Variants in XXYLT1 observed in about 807,000 individuals in gnomAD.
XXYLT1 encodes xyloside xylosyltransferase 1.
A neutral mutation model predicts 28.9 loss-of-function variants in XXYLT1; 20 were observed. The observed-to-expected ratio is 0.69, with a 90% CI of 0.49 to 1.00. XXYLT1 has a LOEUF of 1.00. XXYLT1 is among the 50% of genes least tolerant of loss of function. XXYLT1 has a pLI of 0.00. For synonymous variants in XXYLT1, 257 were observed against 253.8 expected (o/e 1.01, Z -0.12); for missense variants, 542 against 560.1 (o/e 0.97, Z 0.33).
chr3:195,158,587 T>C (rs565135578), intron 2 of XXYLT1, among the ~76,000 whole-genome samples: 2 of 152,310 alleles, frequency 1.3e-5, no homozygotes, highest in African/African-American at 4.8e-5. Context: ...TTGCTTAAAG[T>C]TGGTAACACT....
chr3:195,138,873 AAAAAGAAAG>A (rs1368903596), intron 3 of XXYLT1, among the ~76,000 whole-genome samples: 2 of 150,856 alleles, frequency 1.3e-5, no homozygotes, highest in Admixed American at 1.3e-4. Flanking sequence ...AAAAAAAAAA[AAAAAGAAAG>A]AAAGAAAGAA....
intron 2 of XXYLT1, among the ~76,000 whole-genome samples, chr3:195,192,826 T>C (rs1299118215): frequency 6.6e-6 from 1 of 152,154 alleles, no homozygotes. Context: ...AGCATCAGAT[T>C]GGAAAGGAAG....
At chr3:195,136,476 G>C (rs1719206986) in intron 3 of XXYLT1, among the ~76,000 whole-genome samples, 1 of 152,144 alleles carries the variant, frequency 6.6e-6, no homozygotes, top group Non-Finnish European at 1.5e-5. Context: ...GGGGCAGAGG[G>C]GACAGGCAGG....
chr3:195,203,507 G>A (rs1336147532), intron 2 of XXYLT1, among the ~76,000 whole-genome samples: 1 of 152,152 alleles, frequency 6.6e-6, no homozygotes, highest in African/African-American at 2.4e-5. Context: ...CAGCAGTGCA[G>A]AGAAGGAACA....
rs142510920 is a variant in XXYLT1 at position 195,069,178 on chromosome 3, G to C, written c.*537C>G. On this transcript the variant is annotated 3_prime_UTR_variant, in exon 4 of 4. Transcript: ENST00000310380. ...TGACGTGAGCATCAGGAGAATGCGC[G>C]TGCAGCAGCCTCCCAGGGTGAGTAT... 6.5e-6 allele frequency: 1 copy of C among 153,826 alleles called. No individual in the cohort carries two copies. Among genetic ancestry groups the C allele is most frequent in the Non-Finnish European group, 1.4e-5 (1 of 69,104 alleles). 9.5% of individuals were successfully genotyped at this position (153,826 alleles called of 1,614,324 possible). A position where few individuals can be genotyped will look rare whatever the true frequency, so the allele number is the denominator to read the frequency against.
chr3:195,144,534 A>G (rs989808689), intron 3 of XXYLT1, among the ~76,000 whole-genome samples: 5 of 151,692 alleles, frequency 3.3e-5, no homozygotes, highest in African/African-American at 4.8e-5. Context: ...GTGCCACCAC[A>G]CTTGGCAAAT....
intron 3 of XXYLT1, among the ~76,000 whole-genome samples, chr3:195,119,468 TG>T (rs1405437908): frequency 6.6e-6 from 1 of 152,044 alleles, no homozygotes; most frequent in African/African-American, 2.4e-5. Context: ...TGCTATGAAA[TG>T]AGTGACTGGG....
Position 195,234,309 on chromosome 3 carries a change from A to ATT in XXYLT1, c.505-7455_505-7454dup, listed in dbSNP as rs35536915. ...TTTATTTCTCCTTCATGTTTGAAGG[A>ATT]TTTTTTTTTTTTTTTTTTTTTTTTT... On this transcript the variant is annotated intron_variant, in intron 1 of 3. Transcript: ENST00000310380. 8.5e-4 allele frequency among the ~76,000 whole-genome samples: 57 copies of ATT among 66,926 alleles called. 1 individual carries two copies. The highest frequency in any genetic ancestry group is 1.1e-3 in the African/African-American group (20 of 17,498). 43.9% of individuals were successfully genotyped at this position (66,926 alleles called of 152,430 possible).
At chr3:195,140,900 A>G (rs946339128) in intron 3 of XXYLT1, among the ~76,000 whole-genome samples, 3 of 152,124 alleles carry the variant, frequency 2.0e-5, no homozygotes, top group African/African-American at 7.2e-5. Flanking sequence ...GTGGGATGGT[A>G]TTCGGGGGAT....
At chr3:195,071,478 A>G (rs1043820206) in intron 3 of XXYLT1, among the ~76,000 whole-genome samples, 5 of 152,186 alleles carry the variant, frequency 3.3e-5, no homozygotes, top group Admixed American at 3.3e-4. Context: ...GAGAGTGCCA[A>G]GAGTCTGATC....
At chr3:195,225,308 C>CAA (rs1284482585) in intron 2 of XXYLT1, among the ~76,000 whole-genome samples, 1 of 152,210 alleles carries the variant, frequency 6.6e-6, no homozygotes, top group African/African-American at 2.4e-5. Context: ...AGAGGACACT[C>CAA]AGAGGCCTCC....
chr3:195,070,264 G>C (rs1034646736), intron 3 of XXYLT1, among the ~76,000 whole-genome samples, 153 bp from the exon 4 acceptor site: 1 of 146,326 alleles, frequency 6.8e-6, no homozygotes, highest in African/African-American at 2.6e-5. Flanking sequence ...GCAGAGCTGG[G>C]ACCTGAACCC....
intron 1 of XXYLT1, among the ~76,000 whole-genome samples, chr3:195,258,663 C>A (rs190643166): frequency 4.2e-4 from 64 of 152,320 alleles, no homozygotes; most frequent in African/African-American, 1.5e-3. Flanking sequence ...AGGGCTAGGG[C>A]CCCTGGGGAA....
intron 2 of XXYLT1, among the ~76,000 whole-genome samples, chr3:195,182,187 G>A (rs753665137): frequency 6.6e-5 from 10 of 152,098 alleles, no homozygotes; most frequent in African/African-American, 1.4e-4. Flanking sequence ...GGATTCTCTC[G>A]CCTTTAAGAT....
rs1205046098 is a variant in XXYLT1, at chr3:195,110,619, GGT to G, written c.786-40510_786-40509del. 9.0e-5 allele frequency among the ~76,000 whole-genome samples: 6 copies of G among 66,412 alleles called. 2 individuals are homozygous for G. Among genetic ancestry groups the G allele is most frequent in the Non-Finnish European group, 1.4e-4 (4 of 29,492 alleles). The allele number at this position is 66,412 out of a possible 152,430, so 43.6% of individuals were successfully genotyped here. ...GTGTGCTGTATGTGTGCATGTGTGT[GGT>G]GTGTGTGTGGTGTGTGATGTATAAG... On this transcript the variant is annotated intron_variant, in intron 3 of 3. Coordinates refer to ENST00000310380, the MANE Select transcript of XXYLT1 (RefSeq NM_152531.5).
At chr3:195,110,419 T>TGTGGG (rs1717552036) in intron 3 of XXYLT1, among the ~76,000 whole-genome samples, 1 of 111,550 alleles carries the variant, frequency 9.0e-6, no homozygotes, top group South Asian at 3.3e-4. Context: ...AGTGCGTCTG[T>TGTGGG]GGTGTATGTG....
intron 1 of XXYLT1, chr3:195,270,317 G>T: frequency 1.0e-6 from 1 of 987,970 alleles, no homozygotes; most frequent in Non-Finnish European, 1.4e-6. Flanking sequence ...TGGGGGAGAG[G>T]AAAACGAGGC....
At chr3:195,229,736 C>CT (rs1256452147) in intron 1 of XXYLT1, among the ~76,000 whole-genome samples, 1 of 152,230 alleles carries the variant, frequency 6.6e-6, no homozygotes, top group East Asian at 1.9e-4. Flanking sequence ...TTATTTATGG[C>CT]TGAATAGTAC....
At chr3:195,127,058 A>G (rs1426404474) in intron 3 of XXYLT1, among the ~76,000 whole-genome samples, 2 of 152,340 alleles carry the variant, frequency 1.3e-5, no homozygotes, top group Admixed American at 1.3e-4. Flanking sequence ...TAAGAAAATG[A>G]AAGAAGTCTT....
Sources: gnomAD v4.1 joint callset for allele counts (sites outside exome capture counted in the v4.1 genomes callset) on GRCh38, gnomAD v4.1.1 for gene constraint, MANE v1.5 for transcripts, NCBI Gene and HGNC (gene_info 2026-07-23, HGNC 2026-07-21) for gene names.